The following SNRPD1 variants were observed in gnomAD, a reference collection of about 807,000 sequenced individuals.
The protein encoded by SNRPD1 is small nuclear ribonucleoprotein Sm D1.
SNRPD1 carries 1 observed loss-of-function variant against 14.4 expected under a neutral mutation model. The observed-to-expected ratio is 0.07, with a 90% CI of 0.02 to 0.33. The LOEUF is 0.33. Among genes scored for constraint, SNRPD1 ranks in the 10% least tolerant of loss-of-function variants. The pLI, the probability that SNRPD1 is intolerant of heterozygous loss-of-function variation, is 1.00. For synonymous variants in SNRPD1, 42 were observed against 50.3 expected, an observed-to-expected ratio of 0.83 and a Z score of 0.70; for missense variants, 52 against 146.4, an observed-to-expected ratio of 0.36 and a Z score of 3.33.
At chr18:21,612,540 C>T (rs2146253968) in intron 1 of SNRPD1, 97 bp downstream of exon 1, 3 of 959,108 alleles carry the variant, frequency 3.1e-6, no homozygotes, top group Non-Finnish European at 4.5e-6. Context: ...GGCGGGAAAG[C>T]CGCGTGTGCG....
chr18:21,625,766 A>G (rs895150648), intron 3 of SNRPD1, among the ~76,000 whole-genome samples: 1 of 151,538 alleles, frequency 6.6e-6, no homozygotes, highest in Non-Finnish European at 1.5e-5. Context: ...GCCTGCAACC[A>G]CGCCCGGCTA....
rs1192639095 is a variant in SNRPD1, at chr18:21,632,825, T to TTTTTCTTTTC, written c.*3712_*3721dup. Reference sequence around the variant, plus strand: ...AGATGTTACATATGAACTTTAGTTTTTTTTCTTTTCTTTTCTTTTCTTTTC... The same window carrying TTTTTCTTTTC: ...AGATGTTACATATGAACTTTAGTTTTTTTTCTTTTCTTTTCTTTTCTTTTCTTTTCTTTTC... On this transcript the variant is annotated 3_prime_UTR_variant, in exon 4 of 4. Coordinates refer to ENST00000300413, the MANE Select transcript of SNRPD1 (RefSeq NM_006938.4). 3.1e-3 allele frequency: 461 copies of TTTTTCTTTTC among 150,752 alleles called. 2 individuals carry two copies. Among genetic ancestry groups the TTTTTCTTTTC allele is most frequent in the African/African-American group, 0.011 (431 of 39,636 alleles). The allele number at this position is 150,752 out of a possible 1,614,324, so 9.3% of individuals were successfully genotyped here.
chr18:21,618,801 A>C (rs2038976347), intron 1 of SNRPD1, among the ~76,000 whole-genome samples: 1 of 150,886 alleles, frequency 6.6e-6, no homozygotes. Context: ...CTATACCACT[A>C]AAAAAAAAGA....
chr18:21,629,492 C>T lies in SNRPD1; in HGVS notation c.*354C>T, dbSNP rs564744277. On this transcript the variant is annotated 3_prime_UTR_variant, in exon 4 of 4. Transcript: ENST00000300413. ...GGTAGCCCCTGAACCATAATAGGCT[C>T]AGAGGCTTCAGCCCAGCTGCATAGT... 4.8e-5 allele frequency: 9 copies of T among 186,928 alleles called. No homozygotes were observed. The South Asian group carries it at 9.7e-4, about 20-fold the overall frequency. 11.6% of individuals were successfully genotyped at this position (186,928 alleles called of 1,614,324 possible).
intron 3 of SNRPD1, among the ~76,000 whole-genome samples, chr18:21,624,157 GA>G (rs1332883384): frequency 6.6e-6 from 1 of 152,096 alleles, no homozygotes; most frequent in Non-Finnish European, 1.5e-5. Flanking sequence ...AAGGCGGGTG[GA>G]TCACGAGGTC....
At chr18:21,622,522 CA>C (rs2039006041) in intron 1 of SNRPD1, among the ~76,000 whole-genome samples, 1 of 152,110 alleles carries the variant, frequency 6.6e-6, no homozygotes, top group Non-Finnish European at 1.5e-5. Context: ...GTCCAAATGA[CA>C]GTTTATGTTA....
chr18:21,626,802 T>G (rs970481770), intron 3 of SNRPD1, among the ~76,000 whole-genome samples: 1 of 144,438 alleles, frequency 6.9e-6, no homozygotes, highest in South Asian at 2.3e-4. Flanking sequence ...AAAAAAAAAA[T>G]TGTTTTGTTT....
At chr18:21,622,581 C>G (rs2039006436) in intron 1 of SNRPD1, 144 bp from the exon 2 acceptor site, 1 of 583,690 alleles carries the variant, frequency 1.7e-6, no homozygotes, top group South Asian at 2.3e-5. Context: ...TTCAGGAAAG[C>G]TGAAATTGTT....
intron 2 of SNRPD1, 39 bp from the exon 3 acceptor site, chr18:21,623,709 G>T: frequency 1.4e-6 from 2 of 1,436,992 alleles, no homozygotes; most frequent in South Asian, 2.4e-5. Context: ...GCCTTAACTT[G>T]TATCATACTA....
chr18:21,616,062 T>C (rs2038954905), intron 1 of SNRPD1, among the ~76,000 whole-genome samples: 1 of 152,198 alleles, frequency 6.6e-6, no homozygotes, highest in African/African-American at 2.4e-5. Flanking sequence ...CTTGGTTCAC[T>C]GCAAGCTCCG....
Position 21,630,322 on chromosome 18 carries a change from C to T in SNRPD1, c.*1184C>T, listed in dbSNP as rs953504300. On this transcript the variant is annotated 3_prime_UTR_variant, in exon 4 of 4. Coordinates refer to ENST00000300413, the MANE Select transcript of SNRPD1 (RefSeq NM_006938.4). ...AGCTCAGAAAAAATGTCTCTCAGTG[C>T]ATCAGTTCTTTGTAAAGCTTACTAC... is the stretch of plus-strand genomic sequence containing the variant. The T allele has an allele frequency of 2.0e-5, 3 of 151,980 alleles. No homozygotes were observed. The highest frequency in any genetic ancestry group is 6.6e-5 in the Admixed American group (1 of 15,262). 9.4% of individuals were successfully genotyped at this position (151,980 alleles called of 1,614,324 possible).
chr18:21,627,794 T>G (rs913563805), intron 3 of SNRPD1, among the ~76,000 whole-genome samples: 1 of 152,230 alleles, frequency 6.6e-6, no homozygotes, highest in Non-Finnish European at 1.5e-5. Context: ...TTAGAAATTT[T>G]ACATTGATGT....
intron 1 of SNRPD1, among the ~76,000 whole-genome samples, chr18:21,621,051 C>G (rs2038993887): frequency 1.3e-5 from 2 of 151,804 alleles, no homozygotes; most frequent in South Asian, 4.2e-4. Context: ...GCCTGTAATC[C>G]CAGCTACTCG....
intron 1 of SNRPD1, among the ~76,000 whole-genome samples, chr18:21,616,111 G>T (rs1267314266): frequency 1.3e-5 from 2 of 151,156 alleles, no homozygotes; most frequent in East Asian, 3.9e-4. Context: ...TCAGCCTCCC[G>T]AGTAGCTGGG....
intron 1 of SNRPD1, among the ~76,000 whole-genome samples, chr18:21,622,431 C>T (rs749889347): frequency 5.9e-5 from 9 of 152,256 alleles, no homozygotes; most frequent in Middle Eastern, 3.4e-3. Context: ...TGAGCCACCA[C>T]GCCTGGCCTA....
At chr18:21,612,617 C>A (rs900064430) in intron 1 of SNRPD1, among the ~76,000 whole-genome samples, 174 bp downstream of exon 1, 21 of 152,260 alleles carry the variant, frequency 1.4e-4, no homozygotes, top group African/African-American at 5.1e-4. Context: ...CCGCCTGGGT[C>A]GCTCGCGGAT....
rs755045207 is a variant in SNRPD1 at position 21,612,401 on chromosome 18, C to T, written c.-29C>T. ...TCGGTTGAAGGATTCTGTGTGCTGT[C>T]GGACCCAGAGGGTGACGGCGCCGCT... On this transcript the variant is annotated 5_prime_UTR_variant, in exon 1 of 4. Transcript: ENST00000300413. The T allele has an allele frequency of 1.9e-6, 3 of 1,544,020 alleles. No individual in the cohort carries two copies. The highest frequency in any genetic ancestry group is 2.4e-5 in the East Asian group (1 of 40,890).
chr18:21,628,712 T>C (rs1371947178), intron 3 of SNRPD1, among the ~76,000 whole-genome samples: 1 of 152,232 alleles, frequency 6.6e-6, no homozygotes, highest in Non-Finnish European at 1.5e-5. Context: ...TTCTGTGATA[T>C]ATATCTTCCC....
intron 1 of SNRPD1, among the ~76,000 whole-genome samples, chr18:21,617,620 C>T (rs547535393): frequency 1.3e-5 from 2 of 152,144 alleles, no homozygotes; most frequent in Non-Finnish European, 2.9e-5. Context: ...CAGTAGCTCT[C>T]CTAGAGGAAT....
Sources: gnomAD v4.1 joint callset for allele counts (sites outside exome capture counted in the v4.1 genomes callset) on GRCh38, gnomAD v4.1.1 for gene constraint, MANE v1.5 for transcripts, NCBI Gene and HGNC (gene_info 2026-07-23, HGNC 2026-07-21) for gene names.